The following BANP variants were observed in gnomAD, a reference collection of about 807,000 sequenced individuals.
The protein encoded by BANP is BTG3 associated nuclear protein, also known as protein BANP.
In BANP, 11 loss-of-function variants were observed where a neutral mutation model predicts 68.1. The ratio of observed to expected loss-of-function variants is 0.16; its 90% CI spans 0.10 to 0.27. The LOEUF (loss-of-function observed/expected upper bound fraction) is 0.27, where lower values mean the gene tolerates loss of function less well. BANP is among the 10% of genes least tolerant of loss of function. BANP has a pLI of 1.00. For missense variants in BANP, 504 were observed against 722.7 expected, an observed-to-expected ratio of 0.70 and a Z score of 3.47; for synonymous variants, 329 against 303.2, an observed-to-expected ratio of 1.09 and a Z score of -0.88.
At chr16:88,032,333 C>T (rs755316905) in intron 8 of BANP, among the ~76,000 whole-genome samples, 15 of 151,774 alleles carry the variant, frequency 9.9e-5, no homozygotes, top group Non-Finnish European at 1.9e-4. Flanking sequence ...TCCTGAGTGC[C>T]TGGGATTACA....
intron 6 of BANP, 124 bp downstream of exon 6, chr16:88,006,389 G>A (rs897210696): frequency 7.7e-6 from 9 of 1,163,874 alleles, no homozygotes; most frequent in Admixed American, 5.6e-5. Flanking sequence ...GCTCACGCCT[G>A]TAATCCCAGC....
rs531206984 is a variant in BANP, at chr16:88,005,828, C to T, written c.480-262C>T. Among the ~76,000 whole-genome samples, 5 of 152,332 alleles carry T rather than the reference C, an allele frequency of 3.3e-5. No homozygotes were observed. In the East Asian group the frequency reaches 9.6e-4, roughly 29 times the overall value. On this transcript the variant is annotated intron_variant, in intron 5 of 13. Coordinates refer to ENST00000682872, the MANE Select transcript of BANP (RefSeq NM_001386991.1). ...AGAAGGCAGCATGCTAGGCCTGAGT[C>T]CCAGTGAGTATGATTTTACTCCTTT...
intron 8 of BANP, among the ~76,000 whole-genome samples, chr16:88,028,856 A>T (rs1330534476): frequency 6.6e-6 from 1 of 152,220 alleles, no homozygotes; most frequent in Admixed American, 6.5e-5. Flanking sequence ...ATATATAGGT[A>T]TATGTGGAAG....
chr16:88,058,514 G>A (rs993823869), intron 11 of BANP, among the ~76,000 whole-genome samples: 10 of 152,180 alleles, frequency 6.6e-5, no homozygotes, highest in South Asian at 2.1e-4. Flanking sequence ...CCAGAGCTTC[G>A]GGGGATTCCT....
chr16:88,059,242 G>A (rs936361475), intron 11 of BANP, among the ~76,000 whole-genome samples: 1 of 150,530 alleles, frequency 6.6e-6, no homozygotes, highest in African/African-American at 2.4e-5. Context: ...GTAAGGGCAG[G>A]TGGGGGTGGG....
chr16:88,035,381 C>T lies in BANP; in HGVS notation c.1259C>T (p.Thr420Met), dbSNP rs766256387. The change falls in exon 10 of 14, where the codon ACG becomes ATG. Residue 420 changes from threonine to methionine, a missense_variant. Thr to Met is a moderately conservative substitution (Grantham distance 81). Around this residue, in one of 3 missense-constraint regions of BANP, gnomAD observed 223 missense variants for 246.2 expected, o/e 0.91. Coordinates refer to ENST00000682872, the MANE Select transcript of BANP (RefSeq NM_001386991.1). ...QVPQGEQVQI[T>M]QDSEGNLQIH... Reference sequence around the variant, plus strand: ...CCGCAGGGGGAGCAAGTCCAGATCACGCAGGACAGCGAGGTGAGTCAGCTC... The same window carrying T: ...CCGCAGGGGGAGCAAGTCCAGATCATGCAGGACAGCGAGGTGAGTCAGCTC... 3.5e-5 allele frequency: 56 copies of T among 1,610,286 alleles called. No individual in the cohort carries two copies. Among genetic ancestry groups the T allele is most frequent in the South Asian group, 6.6e-5 (6 of 90,280 alleles).
chr16:88,060,253 C>T (rs558104478), intron 11 of BANP, among the ~76,000 whole-genome samples: 3 of 152,386 alleles, frequency 2.0e-5, no homozygotes, highest in East Asian at 3.9e-4. Context: ...CGTTGCCCTC[C>T]GGGCAGAGCC....
At chr16:88,014,420 T>A (rs1012110580) in intron 6 of BANP, among the ~76,000 whole-genome samples, 5 of 151,714 alleles carry the variant, frequency 3.3e-5, no homozygotes, top group African/African-American at 1.2e-4. Context: ...GCTGTCATCC[T>A]AAGTCAGGGA....
At chr16:88,014,653 C>T (rs1303868966) in intron 6 of BANP, among the ~76,000 whole-genome samples, 1 of 151,986 alleles carries the variant, frequency 6.6e-6, no homozygotes, top group Non-Finnish European at 1.5e-5. Context: ...GTGGCTACAG[C>T]TGAGAGCCCC....
At chr16:88,056,548 G>A (rs1384704590) in intron 11 of BANP, among the ~76,000 whole-genome samples, 1 of 151,618 alleles carries the variant, frequency 6.6e-6, no homozygotes, top group African/African-American at 2.4e-5. Context: ...AAACAATGGT[G>A]CCTTCGAAGG....
At chr16:87,969,071 C>T (rs1443870939) in intron 1 of BANP, among the ~76,000 whole-genome samples, 1 of 152,114 alleles carries the variant, frequency 6.6e-6, no homozygotes, top group Non-Finnish European at 1.5e-5. Flanking sequence ...TGCCCTCGTC[C>T]ACACTGCCCT....
chr16:88,051,168 A>G (rs2083178059), intron 11 of BANP, among the ~76,000 whole-genome samples: 1 of 152,232 alleles, frequency 6.6e-6, no homozygotes, highest in South Asian at 2.1e-4. Context: ...CATGAGATCA[A>G]GGCTCCAGGA....
intron 1 of BANP, among the ~76,000 whole-genome samples, chr16:87,961,406 T>TCCCC (rs2059101983): frequency 8.9e-6 from 1 of 112,154 alleles, no homozygotes; most frequent in Non-Finnish European, 2.1e-5. Context: ...TCACAGAATC[T>TCCCC]GCACCCCCCC....
intron 1 of BANP, among the ~76,000 whole-genome samples, chr16:87,954,262 T>C (rs960708922): frequency 6.6e-6 from 1 of 152,220 alleles, no homozygotes; most frequent in African/African-American, 2.4e-5. Context: ...AGCATGTATT[T>C]GTCTTGTTTC....
chr16:88,065,949 C>T (rs1270106718), intron 12 of BANP, among the ~76,000 whole-genome samples: 1 of 152,170 alleles, frequency 6.6e-6, no homozygotes, highest in East Asian at 1.9e-4. Flanking sequence ...CTCCTGGGCC[C>T]ACTGCCCAGC....
intron 3 of BANP, among the ~76,000 whole-genome samples, chr16:87,983,045 A>G (rs2063584667): frequency 6.6e-6 from 1 of 152,018 alleles, no homozygotes; most frequent in Admixed American, 6.6e-5. Context: ...TGGCTGCCTC[A>G]GTGCCACCCC....
intron 2 of BANP, among the ~76,000 whole-genome samples, chr16:87,975,896 TGTGTGGTGTC>T: frequency 7.1e-6 from 1 of 140,698 alleles, no homozygotes; most frequent in Admixed American, 7.5e-5. Context: ...TAATCCCCTG[TGTGTGGTGTC>T]ATGGAACCTT....
In BANP at chr16:87,957,304, G is replaced by A. The variant is rs1012287761; in HGVS notation, c.-69+5789G>A. Among the ~76,000 whole-genome samples, 3 of 152,174 alleles carry A rather than the reference G, an allele frequency of 2.0e-5. No homozygotes were observed. Among genetic ancestry groups the A allele is most frequent in the South Asian group, 4.1e-4 (2 of 4,822 alleles). ...GTGGAAGGACACATGGAGCAGAGGC[G>A]GCTGAGGAGGTGAAAGGCTGAGAGG... On this transcript the variant is annotated intron_variant, in intron 1 of 13. Transcript: ENST00000682872. The surrounding 1 kb of genome is among the most constrained non-coding windows in gnomAD (Gnocchi z 4.3).
intron 1 of BANP, among the ~76,000 whole-genome samples, chr16:87,951,886 G>T (rs1332253741): frequency 6.6e-6 from 1 of 152,142 alleles, no homozygotes; most frequent in Non-Finnish European, 1.5e-5. Flanking sequence ...CTAGAACCGC[G>T]CCCGGGCTCC....
Sources: gnomAD v4.1 joint callset for allele counts (sites outside exome capture counted in the v4.1 genomes callset) on GRCh38, gnomAD v4.1.1 for gene constraint, gnomAD v4.1.1 regional missense constraint, Gnocchi (gnomAD v3.1) non-coding constraint, MANE v1.5 for transcripts, NCBI Gene and HGNC (gene_info 2026-07-23, HGNC 2026-07-21) for gene names.